Variants in ATP7A observed in about 807,000 individuals in gnomAD.
ATP7A encodes the protein copper-transporting ATPase 1.
A neutral mutation model predicts 83.5 loss-of-function variants in ATP7A; 7 were observed. That is an observed-to-expected ratio of 0.08 (90% CI 0.05 to 0.16). The LOEUF is 0.16. ATP7A is among the 10% of genes least tolerant of loss of function. ATP7A has a pLI of 1.00. For synonymous variants in ATP7A, 354 were observed against 395.2 expected, an observed-to-expected ratio of 0.90 and a Z score of 1.24; for missense variants, 940 against 1,120.8, an observed-to-expected ratio of 0.84 and a Z score of 2.30.
At chrX:78,017,933 G>C in intron 12 of ATP7A, among the ~76,000 whole-genome samples, 1 of 107,257 alleles carries the variant, frequency 9.3e-6, no homozygotes, top group East Asian at 3.0e-4. Flanking sequence ...CCGCCACCAC[G>C]CCTGGCTAAT....
chrX:78,018,796 A>C (rs892912322), intron 12 of ATP7A, among the ~76,000 whole-genome samples: 2 of 112,235 alleles, frequency 1.8e-5, no homozygotes, highest in Non-Finnish European at 3.7e-5. Flanking sequence ...ACAGTTCTGC[A>C]TGACTGGGAA....
chrX:78,028,211 C>T (rs1557236583), intron 14 of ATP7A, among the ~76,000 whole-genome samples: 1 of 104,483 alleles, frequency 9.6e-6, no homozygotes, highest in Non-Finnish European at 2.0e-5. Flanking sequence ...TTTTTGAGAC[C>T]GAGTTTCGCT....
rs1557238594 is a variant in ATP7A at position 78,042,713 on chromosome X, A to T, written c.3930A>T (p.Ala1310=). 8.3e-7 allele frequency: 1 copy of T among 1,211,867 alleles called. No individual in the cohort carries two copies. The change falls in exon 20 of 23, where the codon GCA becomes GCT. Residue 1310 remains alanine (A), a synonymous_variant. Transcript: ENST00000341514. The part of the protein sequence containing the change: ...GDGINDSPAL[A]MANVGIAIGT... ...GAATCAATGACTCCCCAGCTCTGGCAATGGCTAATGTGGGAATTGCTATTG... is the reference window on the plus strand; with the variant it reads ...GAATCAATGACTCCCCAGCTCTGGCTATGGCTAATGTGGGAATTGCTATTG...
At chrX:77,940,956 G>A (rs1341737821) in intron 1 of ATP7A, among the ~76,000 whole-genome samples, 4 of 111,769 alleles carry the variant, frequency 3.6e-5, no homozygotes, top group African/African-American at 9.7e-5. Flanking sequence ...TCTTTCCAGA[G>A]GGTAATTTAC....
In ATP7A at chrX:77,927,684, G is replaced by A. The variant is rs782384169; in HGVS notation, c.-22+16849G>A. 2.7e-5 allele frequency among the ~76,000 whole-genome samples: 3 copies of A among 110,939 alleles called. No homozygotes were observed. In the South Asian group the frequency reaches 1.1e-3, roughly 42 times the overall value. ...AAGTTCTAGGGTACATGTGCACAAT[G>A]TGCAGGTTTGTTACATACGTATACA... On this transcript the variant is annotated intron_variant, in intron 1 of 22. Coordinates refer to ENST00000341514, the MANE Select transcript of ATP7A (RefSeq NM_000052.7).
At chrX:78,001,986 A>ATTTGAT (rs2077741475) in intron 5 of ATP7A, among the ~76,000 whole-genome samples, 1 of 111,425 alleles carries the variant, frequency 9.0e-6, no homozygotes, top group Non-Finnish European at 1.9e-5. Flanking sequence ...AATGACTATT[A>ATTTGAT]TTTGATAATA....
chrX:78,043,073 T>A (rs781964362), intron 20 of ATP7A, among the ~76,000 whole-genome samples: 2 of 112,389 alleles, frequency 1.8e-5, no homozygotes, highest in Non-Finnish European at 3.8e-5. Flanking sequence ...TTGCTGAGAT[T>A]ATTTTAAGTA....
At chrX:77,958,121 G>T (rs1322692084) in intron 1 of ATP7A, among the ~76,000 whole-genome samples, 1 of 110,546 alleles carries the variant, frequency 9.0e-6, no homozygotes, top group Admixed American at 9.7e-5. Context: ...ACAGGAAGGA[G>T]AAATCTGGTT....
In ATP7A at chrX:78,021,028, A is replaced by G. The variant is rs1557235728; in HGVS notation, c.2865A>G (p.Val955=). The G allele has an allele frequency of 5.8e-6, 7 of 1,206,446 alleles. No individual in the cohort carries two copies. The Admixed American group carries it at 6.5e-5, about 11-fold the overall frequency. The change falls in exon 14 of 23, where the codon GTA becomes GTG. Residue 955 remains valine (V), a synonymous_variant. Transcript: ENST00000341514. ...IVFVSIATLL[V]WIVIGFLNFE... ...TTGTTTCCATTGCCACCCTCTTGGT[A>G]TGGATTGTAATTGGATTTCTGAATT...
chrX:77,941,062 G>T (rs917435843), intron 1 of ATP7A, among the ~76,000 whole-genome samples: 2 of 111,520 alleles, frequency 1.8e-5, no homozygotes, highest in Non-Finnish European at 3.8e-5. Flanking sequence ...TTGTTAGTGG[G>T]TATATAAATT....
chrX:77,916,657 G>A (rs1249958785), intron 1 of ATP7A, among the ~76,000 whole-genome samples: 1 of 111,417 alleles, frequency 9.0e-6, no homozygotes, highest in Non-Finnish European at 1.9e-5. Context: ...GTGTAAGCAA[G>A]GGAAAAGGCC....
chrX:77,918,040 G>T (rs2077193395), intron 1 of ATP7A, among the ~76,000 whole-genome samples: 1 of 108,345 alleles, frequency 9.2e-6, no homozygotes, highest in South Asian at 3.9e-4. Context: ...AATGCTCTAA[G>T]AACATTTGAC....
chrX:77,988,381 C>T lies in ATP7A; in HGVS notation c.260C>T (p.Thr87Ile), dbSNP rs782769542. Residue 87 changes from threonine to isoleucine, a missense_variant, in exon 3 of 23, where the codon ACC becomes ATC. Transcript: ENST00000341514. The part of the protein sequence containing the change: ...NPDPLPVLTD[T>I]LFLTVTASLT... ...GACCCTCTCCCTGTTTTAACTGACACCTTGTTTCTGACTGTTACGGCGTCA... is the reference window on the plus strand; with the variant it reads ...GACCCTCTCCCTGTTTTAACTGACATCTTGTTTCTGACTGTTACGGCGTCA... 5.8e-6 allele frequency: 7 copies of T among 1,211,506 alleles called. No individual in the cohort carries two copies. Among genetic ancestry groups the T allele is most frequent in the Non-Finnish European group, 7.8e-6 (7 of 895,344 alleles).
At chrX:78,041,733 T>A (rs1257227910) in intron 19 of ATP7A, among the ~76,000 whole-genome samples, 4 of 112,131 alleles carry the variant, frequency 3.6e-5, no homozygotes, top group African/African-American at 1.3e-4. Context: ...AATTCTGGTC[T>A]TTTCAACATC....
chrX:77,947,819 A>G (rs1192393400), intron 1 of ATP7A, among the ~76,000 whole-genome samples: 1 of 95,915 alleles, frequency 1.0e-5, no homozygotes, highest in East Asian at 3.2e-4. Flanking sequence ...AGCTCACTGC[A>G]ACCTCTGTCT....
At chrX:78,022,384 G>A (rs1227059633) in intron 14 of ATP7A, among the ~76,000 whole-genome samples, 1 of 111,240 alleles carries the variant, frequency 9.0e-6, no homozygotes, top group African/African-American at 3.3e-5. Flanking sequence ...TGGCACTAAT[G>A]TACTCCAGCC....
In ATP7A at chrX:77,932,937, A is replaced by G. The variant is rs186587974; in HGVS notation, c.-22+22102A>G. Among the ~76,000 whole-genome samples the G allele has an allele frequency of 7.9e-3, 871 of 110,264 alleles. 10 individuals are homozygous for G. The highest frequency in any genetic ancestry group is 0.028 in the African/African-American group (844 of 30,224). ...GGACCGTGGGGAGAGGGAGAGGGAG[A>G]GGGAGAGGGAGAGAGCAGGAACATT... On this transcript the variant is annotated intron_variant, in intron 1 of 22. Coordinates refer to ENST00000341514, the MANE Select transcript of ATP7A (RefSeq NM_000052.7).
chrX:77,918,411 G>C (rs1233571348), intron 1 of ATP7A, among the ~76,000 whole-genome samples: 2 of 110,702 alleles, frequency 1.8e-5, no homozygotes, highest in Non-Finnish European at 3.8e-5. Context: ...TTTTCCACCA[G>C]AAAAGTAGAA....
At chrX:78,044,304 TG>T (rs1166292454) in intron 21 of ATP7A, among the ~76,000 whole-genome samples, 1 of 99,077 alleles carries the variant, frequency 1.0e-5, no homozygotes, top group Admixed American at 1.1e-4. Context: ...TTGAAAAAAA[TG>T]GTACAATAAA....
Sources: allele counts gnomAD v4.1 joint callset (sites outside exome capture counted in the v4.1 genomes callset), GRCh38; gene constraint gnomAD v4.1.1; transcripts MANE v1.5; gene names NCBI Gene and HGNC (gene_info 2026-07-23, HGNC 2026-07-21).